Variants in ADAMTS7 observed in about 807,000 individuals in gnomAD.
ADAMTS7 encodes the protein ADAM metallopeptidase with thrombospondin type 1 motif 7, also known as A disintegrin and metalloproteinase with thrombospondin motifs 7.
A neutral mutation model predicts 172.6 loss-of-function variants in ADAMTS7; 89 were observed. That is an observed-to-expected ratio of 0.52 (90% CI 0.43 to 0.61). The LOEUF (loss-of-function observed/expected upper bound fraction) is 0.61. Ranked by LOEUF, ADAMTS7 falls within the 20% of genes least tolerant of loss-of-function variation. The pLI, the probability that ADAMTS7 is intolerant of heterozygous loss-of-function variation, is 0.00. For missense variants in ADAMTS7, 1,973 were observed against 2,355.6 expected (o/e 0.84, Z 3.36); for synonymous variants, 885 against 978.4 (o/e 0.90, Z 1.78).
intron 8 of ADAMTS7, among the ~76,000 whole-genome samples, chr15:78,784,836 G>A (rs187177452): frequency 5.9e-5 from 9 of 152,136 alleles, no homozygotes; most frequent in African/African-American, 2.2e-4. Context: ...CTTCCAACCC[G>A]AAGTTGATAT....
rs889552598 is a variant in ADAMTS7 at position 78,764,094 on chromosome 15, G to C, written c.4425C>G (p.Ser1475=). 3.3e-6 allele frequency: 5 copies of C among 1,525,322 alleles called. No individual in the cohort carries two copies. The highest frequency in any genetic ancestry group is 2.8e-5 in the African/African-American group (2 of 72,538). 94.5% of individuals were successfully genotyped at this position (1,525,322 alleles called of 1,614,324 possible). ...TWHSGNWSKC[S]RSCGGGSSVR... Reference sequence around the variant, plus strand: ...CTGAGGAACCTCCGCCGCAGCTGCGGGAGCACTGGGGACCGAGAGACGTGT... The same window carrying C: ...CTGAGGAACCTCCGCCGCAGCTGCGCGAGCACTGGGGACCGAGAGACGTGT... Residue 1475 remains serine (S), a synonymous_variant, in exon 21 of 24, where the codon TCC becomes TCG. Coordinates refer to ENST00000388820, the MANE Select transcript of ADAMTS7 (RefSeq NM_014272.5).
chr15:78,797,878 G>T, intron 3 of ADAMTS7, 70 bp downstream of exon 3: 1 of 1,522,676 alleles, frequency 6.6e-7, no homozygotes, highest in Non-Finnish European at 8.8e-7. Context: ...GTTAAGGGGG[G>T]CTTCTAGAAA....
intron 8 of ADAMTS7, among the ~76,000 whole-genome samples, chr15:78,779,812 T>G (rs1252169257): frequency 6.6e-6 from 1 of 151,870 alleles, no homozygotes; most frequent in Non-Finnish European, 1.5e-5. Flanking sequence ...GCCCAGCCCT[T>G]CTGCTTCCTG....
In ADAMTS7 at chr15:78,771,663, G is replaced by A. The variant is rs1663579640; in HGVS notation, c.2298C>T (p.Thr766=). 2.5e-6 allele frequency: 4 copies of A among 1,602,814 alleles called. No homozygotes were observed. Among genetic ancestry groups the A allele is most frequent in the Non-Finnish European group, 3.4e-6 (4 of 1,179,858 alleles). ...QWNGDYQVAG[T]TFTYARRGNW... The stretch of plus-strand genomic sequence containing the variant: ...TGCCCCTGCGTGCGTATGTGAAGGT[G>A]GTCCCTGCCACCTGGTAGTCCCCGT... The change falls in exon 15 of 24, where the codon ACC becomes ACT. Residue 766 remains threonine (T), a synonymous_variant. Transcript: ENST00000388820. The surrounding 1 kb of genome is among the most constrained non-coding windows in gnomAD (Gnocchi z 4.9).
chr15:78,761,188 G>C (rs1163880630), intron 23 of ADAMTS7, among the ~76,000 whole-genome samples: 1 of 152,264 alleles, frequency 6.6e-6, no homozygotes, highest in South Asian at 2.1e-4. Context: ...AGCGAGGCAT[G>C]GCAGGGGCCA....
intron 1 of ADAMTS7, 53 bp downstream of exon 1, chr15:78,811,068 G>A: frequency 2.4e-6 from 3 of 1,227,814 alleles, no homozygotes; most frequent in Non-Finnish European, 3.0e-6. Flanking sequence ...CCGAGACTGG[G>A]GGAGCGGGAA....
chr15:78,776,323 C>T lies in ADAMTS7; in HGVS notation c.1571G>A (p.Ser524Asn), dbSNP rs759078027. The T allele has an allele frequency of 9.3e-6, 15 of 1,611,424 alleles. No individual in the cohort carries two copies. Among genetic ancestry groups the T allele is most frequent in the East Asian group, 6.7e-5 (3 of 44,894 alleles). The change falls in exon 11 of 24, where the codon AGT becomes AAT. Residue 524 changes from serine (S) to asparagine (N), a missense_variant. Coordinates refer to ENST00000388820, the MANE Select transcript of ADAMTS7 (RefSeq NM_014272.5). ...GAAGCCCACGGGTACGCACTCCCCA[C>T]TGAGACACCACTACTGAGACAGACG... ...TRCGENKWCL[S>N]GECVPVGFRP...
In ADAMTS7 at chr15:78,766,930, C is replaced by A; in HGVS notation, c.2981G>T (p.Cys994Phe). The A allele has an allele frequency of 1.2e-6, 2 of 1,610,642 alleles. No homozygotes were observed. Among genetic ancestry groups the A allele is most frequent in the Non-Finnish European group, 1.7e-6 (2 of 1,179,518 alleles). The stretch of plus-strand genomic sequence containing the variant: ...GCCCAGTGTGCCCAGGGGCCACCGA[C>A]AGAGTGGCAGAGAGCAGGTGACTTC... Reference protein sequence around the residue: ...ASEVTCSLPLCRWPLGTLGPE... With the variant: ...ASEVTCSLPLFRWPLGTLGPE... The change falls in exon 19 of 24, where the codon TGT (cysteine) becomes TTT (phenylalanine). Residue 994 changes from cysteine (C) to phenylalanine (F), a missense_variant. Physicochemically the swap from Cys to Phe is radical, Grantham distance 205. This residue lies in a region of ADAMTS7 where 771 missense variants were observed against 952.6 expected (regional missense o/e 0.81). Coordinates refer to ENST00000388820, the MANE Select transcript of ADAMTS7 (RefSeq NM_014272.5).
chr15:78,766,175 C>A lies in ADAMTS7; in HGVS notation c.3736G>T (p.Val1246Phe). Reference protein sequence around the residue: ...PSSTLPPLSPVGSTHSSPSPD... With the variant: ...PSSTLPPLSPFGSTHSSPSPD... ...CTAGGAGAGGAGTGGGTGCTGCCAA[C>A]AGGGGACAAAGGGGGCAGCGTGGAG... Residue 1246 changes from valine to phenylalanine, a missense_variant, in exon 19 of 24, where the codon GTT becomes TTT. By Grantham distance (50) the Val-to-Phe change is conservative. Around this residue, in one of 8 missense-constraint regions of ADAMTS7, gnomAD observed 771 missense variants for 952.6 expected, o/e 0.81. Transcript: ENST00000388820. The A allele has an allele frequency of 3.1e-6, 5 of 1,611,652 alleles. No homozygotes were observed. Among genetic ancestry groups the A allele is most frequent in the Non-Finnish European group, 4.2e-6 (5 of 1,179,714 alleles).
chr15:78,790,962 C>T (rs1275175691), intron 5 of ADAMTS7, among the ~76,000 whole-genome samples, 168 bp from the exon 6 acceptor site: 1 of 152,176 alleles, frequency 6.6e-6, no homozygotes, highest in Non-Finnish European at 1.5e-5. Flanking sequence ...GAACCTCCTG[C>T]AGAGGACCTG....
In ADAMTS7 at chr15:78,773,538, G is replaced by A. The variant is rs548108542; in HGVS notation, c.2011-335C>T. ...CGGGCTCCTGAGCAGCGCGTGCAGGGAATTTCAACGTCAAAGGCACTGGGG... is the reference window on the plus strand; with the variant it reads ...CGGGCTCCTGAGCAGCGCGTGCAGGAAATTTCAACGTCAAAGGCACTGGGG... On this transcript the variant is annotated intron_variant, in intron 13 of 23. Transcript: ENST00000388820. 4.4e-4 allele frequency among the ~76,000 whole-genome samples: 67 copies of A among 152,048 alleles called. 2 individuals carry two copies. The East Asian group carries it at 0.012, about 28-fold the overall frequency.
At chr15:78,806,127 C>CA (rs1169680816) in intron 1 of ADAMTS7, among the ~76,000 whole-genome samples, 1 of 23,268 alleles carries the variant, frequency 4.3e-5, no homozygotes. Context: ...CACACACACA[C>CA]AAAAAAAAAA....
At chr15:78,770,281 G>C (rs1194082820) in intron 16 of ADAMTS7, among the ~76,000 whole-genome samples, 1 of 151,596 alleles carries the variant, frequency 6.6e-6, no homozygotes, top group East Asian at 1.9e-4. Flanking sequence ...CAGTTCTCCA[G>C]TTTCACTTTG....
intron 1 of ADAMTS7, among the ~76,000 whole-genome samples, chr15:78,803,357 C>T (rs1040066494): frequency 5.9e-5 from 9 of 152,104 alleles, no homozygotes; most frequent in Non-Finnish European, 8.8e-5. Context: ...GAGACATTAT[C>T]TCAAAAACAA....
rs374991540 is a variant in ADAMTS7, at chr15:78,759,522, G to A, written c.4960C>T (p.Arg1654Cys). The change falls in exon 24 of 24, where the codon CGC becomes TGC. Residue 1654 changes from arginine (R) to cysteine (C), a missense_variant. Arg to Cys is a radical substitution (Grantham distance 180). Transcript: ENST00000388820. ...GTGCGGATGGTGGGCAGCTGGCAGCGGCCCAGTAGGCGCAGCGTCTCGCAG... is the reference window on the plus strand; with the variant it reads ...GTGCGGATGGTGGGCAGCTGGCAGCAGCCCAGTAGGCGCAGCGTCTCGCAG... ...GFCETLRLLG[R>C]CQLPTIRTQC... 6.8e-5 allele frequency: 108 copies of A among 1,596,650 alleles called. No homozygotes were observed. The highest frequency in any genetic ancestry group is 6.3e-4 in the African/African-American group (47 of 74,804).
chr15:78,806,041 C>T (rs113458918), intron 1 of ADAMTS7, among the ~76,000 whole-genome samples: 52,947 of 138,740 alleles, frequency 0.38, 10,453 homozygotes, highest in African/African-American at 0.5. Context: ...AATTGTACCA[C>T]TGTACTCCAG....
At chr15:78,770,967 C>G (rs2055238369) in intron 16 of ADAMTS7, 195 bp downstream of exon 16, 1 of 742,926 alleles carries the variant, frequency 1.3e-6, no homozygotes, top group Non-Finnish European at 2.2e-6. Context: ...ACCCACCTGC[C>G]TCATCCATGT....
At position 78,766,579 on chromosome 15, in the gene ADAMTS7, A is replaced by G; in HGVS notation, c.3332T>C (p.Val1111Ala). ...GGCTGCAGGAGGCTCTGTGGCAGGC[A>G]CGGGGCTACCCGTGGAGGGCGCAGC... ...HPAAPSTGSP[V>A]PATEPPAAKE... The change falls in exon 19 of 24, where the codon GTG (valine) becomes GCG (alanine). Residue 1111 changes from valine to alanine, a missense_variant. Coordinates refer to ENST00000388820, the MANE Select transcript of ADAMTS7 (RefSeq NM_014272.5). 6.2e-7 allele frequency: 1 copy of G among 1,603,970 alleles called. No homozygotes were observed. The highest frequency in any genetic ancestry group is 8.5e-7 in the Non-Finnish European group (1 of 1,177,070).
chr15:78,779,205 G>A (rs577967126), intron 8 of ADAMTS7, among the ~76,000 whole-genome samples: 1,592 of 152,320 alleles, frequency 0.01, 31 homozygotes, highest in African/African-American at 0.036. Context: ...TAACATGGGC[G>A]TTGGCAGATG....
Sources: allele counts gnomAD v4.1 joint callset (sites outside exome capture counted in the v4.1 genomes callset), GRCh38; gene constraint gnomAD v4.1.1; regional missense constraint gnomAD v4.1.1; non-coding constraint Gnocchi (gnomAD v3.1); transcripts MANE v1.5; gene names NCBI Gene and HGNC (gene_info 2026-07-23, HGNC 2026-07-21).